The following SEPTIN2 variants were observed in gnomAD, a reference collection of about 807,000 sequenced individuals.
SEPTIN2 encodes septin 2.
Under a neutral mutation model 46.5 loss-of-function variants are expected in SEPTIN2, and 34 were observed. The observed-to-expected ratio is 0.73, with a 90% CI of 0.56 to 0.97. The LOEUF (loss-of-function observed/expected upper bound fraction) is 0.97. Ranked by LOEUF, SEPTIN2 falls within the 50% of genes least tolerant of loss-of-function variation. The probability of loss-of-function intolerance (pLI) is 0.00; values close to 1 mark genes in which losing one functional copy is unlikely to be tolerated. For synonymous variants in SEPTIN2, 175 were observed against 153.4 expected (o/e 1.14, Z -1.04); for missense variants, 347 against 448.4 (o/e 0.77, Z 2.04).
At position 241,338,912 on chromosome 2, in the gene SEPTIN2, TA is replaced by T. The variant is rs1328189047; in HGVS notation, c.594+1123del. On this transcript the variant is annotated intron_variant, in intron 7 of 12. Transcript: ENST00000391971. ...TATATATTATATATATTATATATAA[TA>T]TATATAATTGTACATATATTTATTA... Among the ~76,000 whole-genome samples the T allele has an allele frequency of 7.1e-3, 429 of 60,734 alleles. 4 individuals carry two copies. The highest frequency in any genetic ancestry group is 0.023 in the African/African-American group (412 of 18,038). 39.8% of individuals were successfully genotyped at this position (60,734 alleles called of 152,430 possible).
intron 1 of SEPTIN2, among the ~76,000 whole-genome samples, chr2:241,321,591 T>G (rs984557222): frequency 6.6e-6 from 1 of 152,076 alleles, no homozygotes; most frequent in South Asian, 2.1e-4. Context: ...TTTCCCTTGG[T>G]TTTTCAGGCC....
At chr2:241,327,420 A>C (rs1186426067) in intron 3 of SEPTIN2, among the ~76,000 whole-genome samples, 2 of 152,018 alleles carry the variant, frequency 1.3e-5, no homozygotes, top group Non-Finnish European at 2.9e-5. Flanking sequence ...GCTGGAAAAA[A>C]AAAAGAAATT....
At chr2:241,331,704 G>A (rs1337150711) in intron 3 of SEPTIN2, among the ~76,000 whole-genome samples, 1 of 152,182 alleles carries the variant, frequency 6.6e-6, no homozygotes, top group Non-Finnish European at 1.5e-5. Context: ...CCAACTTTCA[G>A]AAATAAAAAT....
chr2:241,340,250 T>G (rs1313897977), intron 7 of SEPTIN2, among the ~76,000 whole-genome samples: 1 of 152,216 alleles, frequency 6.6e-6, no homozygotes, highest in Non-Finnish European at 1.5e-5. Flanking sequence ...CCGATGTGAG[T>G]ATCTGTGCTG....
intron 3 of SEPTIN2, among the ~76,000 whole-genome samples, chr2:241,331,471 C>T (rs951716707): frequency 2.0e-5 from 3 of 152,308 alleles, no homozygotes; most frequent in South Asian, 2.1e-4. Context: ...ATTTTGGCAA[C>T]CTCCACCTCC....
In SEPTIN2 at chr2:241,315,932, GGCGGGTCC is replaced by G. The variant is rs2149764571; in HGVS notation, c.-63_-56del. 6.6e-6 allele frequency: 1 copy of G among 152,406 alleles called. No homozygotes were observed. Among genetic ancestry groups the G allele is most frequent in the Non-Finnish European group, 1.5e-5 (1 of 68,154 alleles). 9.4% of individuals were successfully genotyped at this position (152,406 alleles called of 1,614,324 possible). A position where few individuals can be genotyped will look rare whatever the true frequency, so the allele number is the denominator to read the frequency against. ...GGCTGTGAGCGGACCGCGAGCGCTG[GGCGGGTCC>G]GCGGCGCGGTCGGTCGGCGCCTGTT... On this transcript the variant is annotated 5_prime_UTR_variant, in exon 1 of 13. Transcript: ENST00000391971.
intron 7 of SEPTIN2, 120 bp from the exon 8 acceptor site, chr2:241,342,872 A>C: frequency 1.6e-6 from 1 of 635,644 alleles, no homozygotes; most frequent in Non-Finnish European, 2.8e-6. Flanking sequence ...AACTTTCGTC[A>C]TCAGTTTGAT....
rs1238994965 is a variant in SEPTIN2, at chr2:241,352,044, C to G, written c.*107C>G. On this transcript the variant is annotated 3_prime_UTR_variant, in exon 13 of 13. Transcript: ENST00000391971. Reference sequence around the variant, plus strand: ...TGTGTTTTCAATCCTTGGGAGGGTGCCATCCACATTTTAACAGTACCTGTG... The same window carrying G: ...TGTGTTTTCAATCCTTGGGAGGGTGGCATCCACATTTTAACAGTACCTGTG... The G allele has an allele frequency of 1.3e-5, 2 of 152,590 alleles. No homozygotes were observed. The highest frequency in any genetic ancestry group is 2.9e-5 in the Non-Finnish European group (2 of 68,038). 9.5% of individuals were successfully genotyped at this position (152,590 alleles called of 1,614,324 possible). A position where few individuals can be genotyped will look rare whatever the true frequency, so the allele number is the denominator to read the frequency against.
At chr2:241,337,624 T>C in intron 6 of SEPTIN2, 49 bp from the exon 7 acceptor site, 1 of 1,583,018 alleles carries the variant, frequency 6.3e-7, no homozygotes, top group East Asian at 2.2e-5. Flanking sequence ...AGAGAAGAGT[T>C]TTGTATGTAT....
intron 1 of SEPTIN2, among the ~76,000 whole-genome samples, chr2:241,323,449 G>A (rs2077449624): frequency 6.6e-6 from 1 of 151,930 alleles, no homozygotes; most frequent in Non-Finnish European, 1.5e-5. Context: ...GTAGAGATGG[G>A]GTTTCACCAT....
chr2:241,348,428 A>C (rs140019558), intron 11 of SEPTIN2, among the ~76,000 whole-genome samples: 193 of 152,190 alleles, frequency 1.3e-3, no homozygotes, highest in Middle Eastern at 3.4e-3. Flanking sequence ...ACGGGGTTTC[A>C]TCATGTTGGC....
rs1305087351 is a variant in SEPTIN2 at position 241,327,555 on chromosome 2, T to G, written c.130+1442T>G. ...ATAATGCCTGGGAATTGTGCAATTT[T>G]CAGCAAAGTTGTAAATGCACAGATC... On this transcript the variant is annotated intron_variant, in intron 3 of 12. Coordinates refer to ENST00000391971, the MANE Select transcript of SEPTIN2 (RefSeq NM_004404.5). 2.0e-5 allele frequency among the ~76,000 whole-genome samples: 3 copies of G among 149,794 alleles called. No individual in the cohort carries two copies. In the East Asian group the frequency reaches 5.8e-4, roughly 29 times the overall value.
chr2:241,338,983 T>C, intron 7 of SEPTIN2, among the ~76,000 whole-genome samples: 1 of 110,796 alleles, frequency 9.0e-6, no homozygotes, highest in South Asian at 2.4e-4. Context: ...AATATATAAA[T>C]ATATTTATAA....
At position 241,337,777 on chromosome 2, in the gene SEPTIN2, G is replaced by C. The variant is rs760141925; in HGVS notation, c.581G>C (p.Arg194Pro). 1 of 1,613,466 alleles carries C rather than the reference G, an allele frequency of 6.2e-7. No homozygotes were observed. The highest frequency in any genetic ancestry group is 1.3e-5 in the African/African-American group (1 of 74,876). ...ADTLTLKERE[R>P]LKKRILDEIE... ...ACTCTCACCCTGAAGGAACGGGAGC[G>C]GCTGAAGAAAAGGGTGAGTGAGGCT... The change falls in exon 7 of 13, where the codon CGG becomes CCG. Residue 194 changes from arginine (R) to proline (P), a missense_variant. Physicochemically the swap from Arg to Pro is moderately radical, Grantham distance 103 (BLOSUM62 -2). Coordinates refer to ENST00000391971, the MANE Select transcript of SEPTIN2 (RefSeq NM_004404.5).
Position 241,343,895 on chromosome 2 carries a change from C to T in SEPTIN2, c.840C>T (p.Leu280=), listed in dbSNP as rs1208361394. The T allele has an allele frequency of 4.3e-6, 7 of 1,614,142 alleles. No homozygotes were observed. The highest frequency in any genetic ancestry group is 3.3e-5 in the Admixed American group (2 of 60,022). Reference sequence around the variant, plus strand: ...ACTTTCTGAAGCTGAGAACCATGCTCATGTAAGACATTTGGTGTGTTCCTT... The same window carrying T: ...ACTTTCTGAAGCTGAGAACCATGCTTATGTAAGACATTTGGTGTGTTCCTT... ...HNDFLKLRTM[L]ITHMQDLQEV... Residue 280 remains leucine (L), a splice_region_variant and synonymous_variant, in exon 9 of 13, where the codon CTC becomes CTT. Coordinates refer to ENST00000391971, the MANE Select transcript of SEPTIN2 (RefSeq NM_004404.5).
chr2:241,349,072 A>G (rs1191468387), intron 11 of SEPTIN2, among the ~76,000 whole-genome samples: 1 of 152,126 alleles, frequency 6.6e-6, no homozygotes, highest in Non-Finnish European at 1.5e-5. Flanking sequence ...AACATTTACT[A>G]TTTTTGGCCA....
At chr2:241,350,240 G>A (rs2060660744) in intron 12 of SEPTIN2, 37 bp downstream of exon 12, 3 of 1,155,224 alleles carry the variant, frequency 2.6e-6, no homozygotes, top group South Asian at 1.5e-5. Flanking sequence ...AAGACAGGCA[G>A]TTACTAACAT....
At chr2:241,328,853 TC>T (rs2078461881) in intron 3 of SEPTIN2, among the ~76,000 whole-genome samples, 1 of 150,564 alleles carries the variant, frequency 6.6e-6, no homozygotes, top group South Asian at 2.1e-4. Flanking sequence ...AAACCCCATC[TC>T]TAGTAAAAAT....
In SEPTIN2 at chr2:241,335,832, C is replaced by G. The variant is rs746897932; in HGVS notation, c.218-143C>G. On this transcript the variant is annotated intron_variant, in intron 4 of 12. Coordinates refer to ENST00000391971, the MANE Select transcript of SEPTIN2 (RefSeq NM_004404.5). ...TTCCCCTTTCTGACTTCTCTGGGATCTTTTTTTCTTAATCCCCATGGTATC... is the reference window on the plus strand; with the variant it reads ...TTCCCCTTTCTGACTTCTCTGGGATGTTTTTTTCTTAATCCCCATGGTATC... 3.9e-6 allele frequency: 4 copies of G among 1,027,072 alleles called. No homozygotes were observed. The South Asian group carries it at 5.8e-5, about 15-fold the overall frequency. 63.6% of individuals were successfully genotyped at this position (1,027,072 alleles called of 1,614,324 possible). A position where few individuals can be genotyped will look rare whatever the true frequency, so the allele number is the denominator to read the frequency against.
Sources: gnomAD v4.1 joint callset for allele counts (sites outside exome capture counted in the v4.1 genomes callset) on GRCh38, gnomAD v4.1.1 for gene constraint, MANE v1.5 for transcripts, NCBI Gene and HGNC (gene_info 2026-07-23, HGNC 2026-07-21) for gene names.